Variants in EIF3D observed in about 807,000 individuals in gnomAD.
The protein encoded by EIF3D is eIF3 p66.
EIF3D carries 10 observed loss-of-function variants against 75.4 expected under a neutral mutation model. The ratio of observed to expected loss-of-function variants is 0.13; its 90% CI spans 0.08 to 0.22. The LOEUF (loss-of-function observed/expected upper bound fraction) is 0.22. EIF3D is among the 10% of genes least tolerant of loss of function. The pLI is 1.00. For synonymous variants in EIF3D, 246 were observed against 248.3 expected (o/e 0.99, Z 0.09); for missense variants, 394 against 708.0 (o/e 0.56, Z 5.03).
chr22:36,517,068 A>G, intron 10 of EIF3D: 1 of 621,450 alleles, frequency 1.6e-6, no homozygotes, highest in South Asian at 2.0e-5. Flanking sequence ...TTTATTATTT[A>G]TTGTTCACTG....
chr22:36,525,601 A>G (rs1191000118), intron 3 of EIF3D, 63 bp downstream of exon 3: 3 of 1,553,954 alleles, frequency 1.9e-6, no homozygotes, highest in African/African-American at 2.7e-5. Flanking sequence ...GAAGAAGGTC[A>G]TTAGAATAAA....
intron 12 of EIF3D, 122 bp downstream of exon 12, chr22:36,516,356 G>C (rs959976971): frequency 1.4e-5 from 18 of 1,254,180 alleles, no homozygotes; most frequent in East Asian, 2.4e-5. Context: ...AAAACATCCA[G>C]GTAGCTCTAT....
At chr22:36,525,016 T>C (rs1934573424) in intron 3 of EIF3D, among the ~76,000 whole-genome samples, 1 of 152,174 alleles carries the variant, frequency 6.6e-6, no homozygotes, top group South Asian at 2.1e-4. Context: ...CCCATTTCAC[T>C]CTCTGCGTTA....
chr22:36,513,800 C>T (rs1934378830), intron 12 of EIF3D, among the ~76,000 whole-genome samples: 1 of 152,222 alleles, frequency 6.6e-6, no homozygotes, highest in Non-Finnish European at 1.5e-5. Context: ...AAGCGATTCT[C>T]CCACCTCAGG....
chr22:36,526,157 G>C, intron 1 of EIF3D, 26 bp from the exon 2 acceptor site: 2 of 1,576,978 alleles, frequency 1.3e-6, no homozygotes, highest in Non-Finnish European at 1.7e-6. Flanking sequence ...CATGTGAGTA[G>C]CGGCATGAAC....
At chr22:36,518,693 A>G in intron 9 of EIF3D, 70 bp downstream of exon 9, 1 of 1,577,330 alleles carries the variant, frequency 6.3e-7, no homozygotes, top group African/African-American at 1.3e-5. Flanking sequence ...ATTCTCTAGT[A>G]CCAGAGACTT....
At position 36,515,840 on chromosome 22, in the gene EIF3D, G is replaced by A. The variant is rs1052735187; in HGVS notation, c.1206+638C>T. On this transcript the variant is annotated intron_variant, in intron 12 of 14. Transcript: ENST00000216190. ...ACCAGGAAAAATCCAAGAAAAGGCC[G>A]CTGGCCCCAGAGCGGCAAACCTTCC... is the stretch of plus-strand genomic sequence containing the variant. 1.6e-4 allele frequency among the ~76,000 whole-genome samples: 24 copies of A among 149,036 alleles called. 1 individual carries two copies. The highest frequency in any genetic ancestry group is 5.2e-4 in the African/African-American group (21 of 40,480).
intron 9 of EIF3D, 87 bp downstream of exon 9, chr22:36,518,676 T>C: frequency 1.3e-6 from 2 of 1,528,942 alleles, no homozygotes; most frequent in Non-Finnish European, 1.8e-6. Context: ...CAGACCACTT[T>C]CTATCCATTC....
rs1258335644 is a variant in EIF3D at position 36,523,203 on chromosome 22, C to T, written c.465+6G>A. The T allele has an allele frequency of 2.5e-6, 4 of 1,613,068 alleles. No individual in the cohort carries two copies. The highest frequency in any genetic ancestry group is 1.3e-5 in the African/African-American group (1 of 74,882). On this transcript the variant is annotated splice_donor_region_variant and intron_variant, in intron 6 of 14. Coordinates refer to ENST00000216190, the MANE Select transcript of EIF3D (RefSeq NM_003753.4). ...CCAAGGCAGAATTCTGGTATAAATACATTACCTGTGATTTCTGATCCCATT... is the reference window on the plus strand; with the variant it reads ...CCAAGGCAGAATTCTGGTATAAATATATTACCTGTGATTTCTGATCCCATT...
intron 12 of EIF3D, among the ~76,000 whole-genome samples, chr22:36,514,289 T>A (rs1229730131): frequency 1.3e-5 from 2 of 152,148 alleles, no homozygotes; most frequent in Admixed American, 1.3e-4. Context: ...GAGTTCATGG[T>A]TGAGGCCTGG....
intron 3 of EIF3D, 103 bp from the exon 4 acceptor site, chr22:36,524,835 A>G (rs742147): frequency 0.041 from 60,020 of 1,458,068 alleles, 1,751 homozygotes; most frequent in African/African-American, 0.14. Flanking sequence ...TGAGACCTGT[A>G]GCATTGGCTG....
intron 12 of EIF3D, among the ~76,000 whole-genome samples, chr22:36,515,569 G>A (rs1363607087): frequency 1.3e-5 from 2 of 151,976 alleles, no homozygotes; most frequent in East Asian, 1.9e-4. Flanking sequence ...TACATAAATC[G>A]GTATTAAGTC....
chr22:36,521,346 C>T (rs1393964991), intron 6 of EIF3D, among the ~76,000 whole-genome samples: 2 of 152,124 alleles, frequency 1.3e-5, no homozygotes, highest in African/African-American at 4.8e-5. Context: ...GGTTCCACTC[C>T]CAGGTAATGA....
intron 8 of EIF3D, 47 bp downstream of exon 8, chr22:36,519,358 C>A: frequency 6.2e-7 from 1 of 1,610,454 alleles, no homozygotes; most frequent in Non-Finnish European, 8.5e-7. Flanking sequence ...CTGTAGAAGC[C>A]GACAGCATTC....
In EIF3D at chr22:36,519,555, A is replaced by G; in HGVS notation, c.579-18T>C. ...AACACTCACTGTGGGAAGAGCAGGCAAAGACATGCAAAGTAAGAGAGATAA... is the reference window on the plus strand; with the variant it reads ...AACACTCACTGTGGGAAGAGCAGGCGAAGACATGCAAAGTAAGAGAGATAA... On this transcript the variant is annotated intron_variant, in intron 7 of 14. Transcript: ENST00000216190. 6.2e-7 allele frequency: 1 copy of G among 1,613,890 alleles called. No homozygotes were observed. The highest frequency in any genetic ancestry group is 1.7e-5 in the Admixed American group (1 of 59,974).
At position 36,512,504 on chromosome 22, in the gene EIF3D, C is replaced by T; in HGVS notation, c.1305G>A (p.Trp435Ter). 6.2e-7 allele frequency: 1 copy of T among 1,614,218 alleles called. No individual in the cohort carries two copies. The highest frequency in any genetic ancestry group is 8.5e-7 in the Non-Finnish European group (1 of 1,180,042). ...LKNNSYKLAR[W>*]TCCALLAGSE... ...ATCCAGCCAGCAAAGCACAGCAGGT[C>T]CACCGGGCCAACTTGTAGCTGTTGT... The change falls in exon 13 of 15, where the codon TGG (tryptophan) becomes TGA (stop). Residue 435 changes from tryptophan to a stop codon, truncating the protein, a stop_gained. Coordinates refer to ENST00000216190, the MANE Select transcript of EIF3D (RefSeq NM_003753.4). LOFTEE classifies it high-confidence loss of function.
chr22:36,520,684 G>A lies in EIF3D; in HGVS notation c.470C>T (p.Pro157Leu). The part of the protein sequence containing the change: ...RQKWDQKSQK[P>L]RDSSVEVRSD... The stretch of plus-strand genomic sequence containing the variant: ...ACGAACTTCAACTGAAGAGTCTCGG[G>A]GTTTCTGCAGTTGAAAACCATTAGA... Residue 157 changes from proline (P) to leucine (L), a missense_variant, in exon 7 of 15, where the codon CCC (proline) becomes CTC (leucine). Coordinates refer to ENST00000216190, the MANE Select transcript of EIF3D (RefSeq NM_003753.4). 1 of 1,609,660 alleles carries A rather than the reference G, an allele frequency of 6.2e-7. No individual in the cohort carries two copies. Among genetic ancestry groups the A allele is most frequent in the South Asian group, 1.1e-5 (1 of 90,712 alleles).
chr22:36,519,022 G>T, intron 8 of EIF3D, 112 bp from the exon 9 acceptor site: 1 of 1,401,864 alleles, frequency 7.1e-7, no homozygotes, highest in Non-Finnish European at 9.5e-7. Context: ...TAATAAGGAG[G>T]CCCCACCTCA....
chr22:36,518,618 A>G (rs1488715913), intron 9 of EIF3D, 145 bp downstream of exon 9: 2 of 816,456 alleles, frequency 2.4e-6, no homozygotes, highest in African/African-American at 2.5e-5. Context: ...TAACCTCTAA[A>G]GAGTGTGGGA....
Sources: allele counts gnomAD v4.1 joint callset (sites outside exome capture counted in the v4.1 genomes callset), GRCh38; gene constraint gnomAD v4.1.1; transcripts MANE v1.5; gene names NCBI Gene and HGNC (gene_info 2026-07-23, HGNC 2026-07-21).